The following SERPINB6 variants were observed in gnomAD, a reference collection of about 807,000 sequenced individuals.
SERPINB6 encodes serpin family B member 6.
A neutral mutation model predicts 26.1 loss-of-function variants in SERPINB6; 16 were observed. That is an observed-to-expected ratio of 0.61 (90% confidence interval 0.42 to 0.93). The LOEUF is 0.93. Among genes scored for constraint, SERPINB6 ranks in the 40% least tolerant of loss-of-function variants. SERPINB6 has a pLI of 0.00. For synonymous variants in SERPINB6, 174 were observed against 176.6 expected (o/e 0.99, Z 0.11); for missense variants, 420 against 478.0 (o/e 0.88, Z 1.13).
At chr6:2,969,201 G>A (rs1426623502) in intron 1 of SERPINB6, 4 of 986,954 alleles carry the variant, frequency 4.1e-6, no homozygotes, top group Non-Finnish European at 3.6e-6. Context: ...TTTTTCTATC[G>A]AGGGCTTTCT....
chr6:2,969,440 T>TA, intron 1 of SERPINB6: 1 of 967,422 alleles, frequency 1.0e-6, no homozygotes, highest in Non-Finnish European at 1.2e-6. Flanking sequence ...CATTTAAAAA[T>TA]AAAAAATGAT....
At chr6:2,958,401 G>T (rs762244635) in intron 2 of SERPINB6, among the ~76,000 whole-genome samples, 1 of 152,154 alleles carries the variant, frequency 6.6e-6, no homozygotes, top group Admixed American at 6.5e-5. Flanking sequence ...CCTCTCAGGC[G>T]CGGAGATGCC....
At chr6:2,962,535 C>T (rs1771233543) in intron 1 of SERPINB6, among the ~76,000 whole-genome samples, 1 of 152,182 alleles carries the variant, frequency 6.6e-6, no homozygotes, top group Admixed American at 6.5e-5. Context: ...GGGTTCCCTT[C>T]CATCTCTAAC....
In SERPINB6 at chr6:2,965,303, C is replaced by T. The variant is rs771839472; in HGVS notation, c.-10-5961G>A. Among the ~76,000 whole-genome samples the T allele has an allele frequency of 9.8e-4, 149 of 152,302 alleles. 1 individual carries two copies. In the Middle Eastern group the frequency reaches 0.014, roughly 14 times the overall value. On this transcript the variant is annotated intron_variant, in intron 1 of 6. Coordinates refer to ENST00000380539, the MANE Select transcript of SERPINB6 (RefSeq NM_004568.6). The stretch of plus-strand genomic sequence containing the variant: ...TACCAGCTGCATTTTCCTCTCCCTC[C>T]GTCTGTCACCATGCTGCTGAGCATG...
intron 1 of SERPINB6, chr6:2,968,929 G>A (rs1367622189): frequency 1.6e-5 from 20 of 1,224,930 alleles, no homozygotes; most frequent in Non-Finnish European, 2.0e-5. Flanking sequence ...AGGAGATGGG[G>A]TGGAAGCAGA....
chr6:2,953,167 G>A lies in SERPINB6; in HGVS notation c.450C>T (p.Leu150=). 11 of 1,614,210 alleles carry A rather than the reference G, an allele frequency of 6.8e-6. No individual in the cohort carries two copies. Among genetic ancestry groups the A allele is most frequent in the Non-Finnish European group, 9.3e-6 (11 of 1,180,038 alleles). ...TCAATGGATCCACTGAGCCCGGAGA[G>A]AGCAACTCCGCAATTTTACCTGAGC... ...EKTEGKIAEL[L]SPGSVDPLTR... is the part of the protein sequence containing the mutation. Residue 150 remains leucine (L), a synonymous_variant, in exon 5 of 7, where the codon CTC becomes CTT. Transcript: ENST00000380539.
At position 2,955,840 on chromosome 6, in the gene SERPINB6, G is replaced by A. The variant is rs760732813; in HGVS notation, c.166-170C>T. ...GCCTATAATCCCAGCACTTTGGGAG[G>A]CCAAGGCGGGAGGATCACCTGAGGT... On this transcript the variant is annotated intron_variant, in intron 2 of 6. Transcript: ENST00000380539. The A allele has an allele frequency of 2.6e-4, 171 of 654,334 alleles. 2 individuals carry two copies. In the Middle Eastern group the frequency reaches 6.5e-3, roughly 25 times the overall value. 40.5% of individuals were successfully genotyped at this position (654,334 alleles called of 1,614,324 possible). A position where few individuals can be genotyped will look rare whatever the true frequency, so the allele number is the denominator to read the frequency against.
At chr6:2,962,636 A>G (rs1771240884) in intron 1 of SERPINB6, among the ~76,000 whole-genome samples, 1 of 152,224 alleles carries the variant, frequency 6.6e-6, no homozygotes, top group Non-Finnish European at 1.5e-5. Context: ...ATGATATTCC[A>G]TTTCTTAGTT....
intron 1 of SERPINB6, chr6:2,968,397 C>T (rs1029159113): frequency 4.2e-6 from 3 of 715,360 alleles, no homozygotes; most frequent in African/African-American, 1.9e-5. Context: ...CAACAACCTG[C>T]GACATGAGTT....
Position 2,971,275 on chromosome 6 carries a change from G to C in SERPINB6, c.-11+258C>G, listed in dbSNP as rs969400067. 8 of 774,728 alleles carry C rather than the reference G, an allele frequency of 1.0e-5. No homozygotes were observed. The African/African-American group carries it at 1.5e-4, about 15-fold the overall frequency. The allele number at this position is 774,728 out of a possible 1,614,324, so 48.0% of individuals were successfully genotyped here. A position where few individuals can be genotyped will look rare whatever the true frequency, so the allele number is the denominator to read the frequency against. ...GGCCGCGTCGCCGTTCTCTGCCGCT[G>C]CGAGGCTCCGGAAGGGAACCCAAGC... On this transcript the variant is annotated intron_variant, in intron 1 of 6. Coordinates refer to ENST00000380539, the MANE Select transcript of SERPINB6 (RefSeq NM_004568.6).
At position 2,948,353 on chromosome 6, in the gene SERPINB6, A is replaced by G; in HGVS notation, c.1076T>C (p.Ile359Thr). The G allele has an allele frequency of 6.2e-7, 1 of 1,614,118 alleles. No homozygotes were observed. ...AATCCCGTTGGTCTTGCTGTGCTGGATGAAGAAAAGGAAGGGGTGGTCGGC... is the reference window on the plus strand; with the variant it reads ...AATCCCGTTGGTCTTGCTGTGCTGGGTGAAGAAAAGGAAGGGGTGGTCGGC... The part of the protein sequence containing the change: ...FCADHPFLFF[I>T]QHSKTNGILF... The change falls in exon 7 of 7, where the codon ATC becomes ACC. Residue 359 changes from isoleucine (I) to threonine (T), a missense_variant. Ile to Thr is a moderately conservative substitution (Grantham distance 89, BLOSUM62 -1). Coordinates refer to ENST00000380539, the MANE Select transcript of SERPINB6 (RefSeq NM_004568.6). This position sits in a 1 kb window ranked among gnomAD's most constrained non-coding sequence, Gnocchi z 5.0.
chr6:2,954,182 C>T (rs1246927402), intron 4 of SERPINB6, among the ~76,000 whole-genome samples: 1 of 151,764 alleles, frequency 6.6e-6, no homozygotes, highest in Non-Finnish European at 1.5e-5. Flanking sequence ...ACCCAGTGTC[C>T]CACAGCAATG....
At chr6:2,970,146 T>C in intron 1 of SERPINB6, 1 of 985,240 alleles carries the variant, frequency 1.0e-6, no homozygotes, top group South Asian at 4.7e-5. Context: ...GTGTGTGGTC[T>C]TCCCTGGGAC....
At chr6:2,959,037 C>T (rs1770804409) in intron 2 of SERPINB6, 131 bp downstream of exon 2, 1 of 1,224,132 alleles carries the variant, frequency 8.2e-7, no homozygotes, top group Non-Finnish European at 1.2e-6. Context: ...CATGCCCTTC[C>T]CTGTAAACTC....
intron 1 of SERPINB6, among the ~76,000 whole-genome samples, chr6:2,962,369 T>G (rs1017583349): frequency 6.6e-6 from 1 of 152,170 alleles, no homozygotes; most frequent in African/African-American, 2.4e-5. Flanking sequence ...TCTGAAACAC[T>G]GAACTGGAGA....
chr6:2,960,726 G>C (rs1473160051), intron 1 of SERPINB6: 1 of 152,322 alleles, frequency 6.6e-6, no homozygotes, highest in African/African-American at 2.4e-5. Context: ...TTTGGAGCTG[G>C]GGTTGGCTGA....
chr6:2,968,705 A>G (rs1771859410), intron 1 of SERPINB6: 3 of 1,231,144 alleles, frequency 2.4e-6, no homozygotes, highest in Non-Finnish European at 2.0e-6. Context: ...GACTTTCCAA[A>G]CATTCCTAAC....
Position 2,953,032 on chromosome 6 carries a change from C to T in SERPINB6, c.573+12G>A, listed in dbSNP as rs1196995970. 6.2e-6 allele frequency: 10 copies of T among 1,614,034 alleles called. No individual in the cohort carries two copies. The highest frequency in any genetic ancestry group is 2.2e-5 in the East Asian group (1 of 44,898). On this transcript the variant is annotated intron_variant, in intron 5 of 6. Transcript: ENST00000380539. ...AACACAGGCGCTGCTCCTGTCACGG[C>T]CCCTTACTCGCCTTGCTGACTTTAA...
intron 4 of SERPINB6, among the ~76,000 whole-genome samples, chr6:2,954,098 A>T (rs1293114095): frequency 1.9e-4 from 29 of 151,372 alleles, no homozygotes; most frequent in African/African-American, 6.1e-4. Context: ...AGCCTAGGTG[A>T]CAGAGGGAGA....
Sources: gnomAD v4.1 joint callset for allele counts (sites outside exome capture counted in the v4.1 genomes callset) on GRCh38, gnomAD v4.1.1 for gene constraint, Gnocchi (gnomAD v3.1) non-coding constraint, MANE v1.5 for transcripts, NCBI Gene and HGNC (gene_info 2026-07-23, HGNC 2026-07-21) for gene names.